TMEM132D: variants seen among roughly 807,000 people sequenced by gnomAD.
TMEM132D encodes the protein mature OL transmembrane protein.
Under a neutral mutation model 62.3 loss-of-function variants are expected in TMEM132D, and 21 were observed. The observed-to-expected ratio is 0.34, with a 90% CI of 0.24 to 0.49. The LOEUF (loss-of-function observed/expected upper bound fraction) is 0.49, where lower values mean the gene tolerates loss of function less well. Among genes scored for constraint, TMEM132D ranks in the 20% least tolerant of loss-of-function variants. TMEM132D has a pLI of 0.99. For synonymous variants in TMEM132D, 621 were observed against 575.6 expected (o/e 1.08, Z -1.13); for missense variants, 1,346 against 1,402.8 (o/e 0.96, Z 0.65).
intron 1 of TMEM132D, among the ~76,000 whole-genome samples, chr12:129,885,689 T>G (rs1874729946): frequency 6.6e-6 from 1 of 152,232 alleles, no homozygotes; most frequent in Non-Finnish European, 1.5e-5. Context: ...TATCTAATAT[T>G]TTTCATCCAG....
chr12:129,755,193 G>C (rs528435507), intron 1 of TMEM132D, among the ~76,000 whole-genome samples: 2 of 152,286 alleles, frequency 1.3e-5, no homozygotes, highest in South Asian at 2.1e-4. Flanking sequence ...ACATTAACTA[G>C]TGTTGCAGCT....
intron 8 of TMEM132D, among the ~76,000 whole-genome samples, chr12:129,075,826 C>T (rs1014493354): frequency 6.6e-6 from 1 of 152,222 alleles, no homozygotes; most frequent in Admixed American, 6.5e-5. Flanking sequence ...TTTGACCAGG[C>T]AGATCATTGG....
chr12:129,776,243 G>A (rs548395611), intron 1 of TMEM132D, among the ~76,000 whole-genome samples: 35 of 152,212 alleles, frequency 2.3e-4, no homozygotes, highest in Middle Eastern at 3.4e-3. Flanking sequence ...CCACACGGAC[G>A]TGAACCCCAA....
intron 5 of TMEM132D, among the ~76,000 whole-genome samples, chr12:129,160,449 C>T (rs1332984437): frequency 6.6e-6 from 1 of 152,184 alleles, no homozygotes; most frequent in East Asian, 1.9e-4. Context: ...GTAGGTGAAA[C>T]AACATCTCTT....
chr12:129,086,507 T>C (rs1375219109), intron 5 of TMEM132D, among the ~76,000 whole-genome samples: 2 of 152,116 alleles, frequency 1.3e-5, no homozygotes, highest in Non-Finnish European at 2.9e-5. Flanking sequence ...TGTTTGACTT[T>C]CTGGCTTTGA....
chr12:129,769,009 T>G, intron 1 of TMEM132D, among the ~76,000 whole-genome samples: 1 of 152,052 alleles, frequency 6.6e-6, no homozygotes, highest in East Asian at 1.9e-4. Context: ...TCAAGTACAG[T>G]AGGATTGGTG....
intron 4 of TMEM132D, among the ~76,000 whole-genome samples, chr12:129,290,524 A>G (rs1881423036): frequency 6.6e-6 from 1 of 152,248 alleles, no homozygotes; most frequent in Non-Finnish European, 1.5e-5. Flanking sequence ...TTGCAAAACA[A>G]CAGCTACAGA....
At chr12:129,442,587 T>G (rs1458980216) in intron 3 of TMEM132D, among the ~76,000 whole-genome samples, 1 of 150,628 alleles carries the variant, frequency 6.6e-6, no homozygotes, top group Non-Finnish European at 1.5e-5. Flanking sequence ...CCTTCCGTCT[T>G]GTCACAGAGT....
chr12:129,870,707 T>C (rs1290985528), intron 1 of TMEM132D, among the ~76,000 whole-genome samples: 8 of 152,048 alleles, frequency 5.3e-5, no homozygotes, highest in East Asian at 1.9e-4. Context: ...TAAAGAGAGG[T>C]TGTAGGAACC....
chr12:129,431,356 C>T (rs1872649316), intron 3 of TMEM132D, among the ~76,000 whole-genome samples: 1 of 152,218 alleles, frequency 6.6e-6, no homozygotes, highest in African/African-American at 2.4e-5. Flanking sequence ...AGCCAAATTT[C>T]TTCCCTGTTT....
intron 2 of TMEM132D, among the ~76,000 whole-genome samples, chr12:129,627,227 T>G (rs925032011): frequency 6.6e-6 from 1 of 152,214 alleles, no homozygotes; most frequent in African/African-American, 2.4e-5. Flanking sequence ...ACAGACCGCC[T>G]ATATGATGGT....
chr12:129,466,270 A>C (rs1246305871), intron 3 of TMEM132D, among the ~76,000 whole-genome samples: 1 of 138,612 alleles, frequency 7.2e-6, no homozygotes, highest in African/African-American at 2.7e-5. Context: ...AGTGGCTGGT[A>C]GATTTTTCCT....
chr12:129,741,998 C>T (rs142437005), intron 1 of TMEM132D, among the ~76,000 whole-genome samples: 2 of 152,280 alleles, frequency 1.3e-5, no homozygotes, highest in Admixed American at 1.3e-4. Context: ...ACAACATCTA[C>T]ATCTTTAGCA....
intron 1 of TMEM132D, among the ~76,000 whole-genome samples, chr12:129,710,878 G>A (rs371243065): frequency 4.8e-5 from 7 of 147,160 alleles, no homozygotes; most frequent in East Asian, 3.9e-4. Context: ...ATACCCACGC[G>A]CATTCCCCGG....
chr12:129,107,073 TG>T (rs1259851561), intron 5 of TMEM132D, among the ~76,000 whole-genome samples: 1 of 152,200 alleles, frequency 6.6e-6, no homozygotes, highest in Non-Finnish European at 1.5e-5. Context: ...GAACAGTGCT[TG>T]GCATATAGTA....
intron 3 of TMEM132D, among the ~76,000 whole-genome samples, chr12:129,383,154 G>A (rs757826240): frequency 6.6e-6 from 1 of 152,262 alleles, no homozygotes; most frequent in Non-Finnish European, 1.5e-5. Context: ...GCCCACTGTC[G>A]TGTGCACCAT....
intron 1 of TMEM132D, among the ~76,000 whole-genome samples, chr12:129,715,850 G>T (rs564596297): frequency 2.0e-5 from 3 of 152,186 alleles, no homozygotes; most frequent in South Asian, 4.1e-4. Context: ...AGGCTATGAC[G>T]CTAGGAGTCT....
intron 3 of TMEM132D, among the ~76,000 whole-genome samples, chr12:129,346,653 C>G (rs1479229551): frequency 1.3e-5 from 2 of 152,158 alleles, no homozygotes; most frequent in Non-Finnish European, 2.9e-5. Context: ...CGGCACAAGA[C>G]AAGGATGTCC....
chr12:129,147,305 C>CATGTGCATATGTATATATATAT (rs1876939883), intron 5 of TMEM132D, among the ~76,000 whole-genome samples: 3 of 92,502 alleles, frequency 3.2e-5, no homozygotes, highest in African/African-American at 6.3e-5. Context: ...TATATATATA[C>CATGTGCATATGTATATATATAT]ATATGTGTAT....
Sources: gnomAD v4.1 joint callset for allele counts (sites outside exome capture counted in the v4.1 genomes callset) on GRCh38, gnomAD v4.1.1 for gene constraint, MANE v1.5 for transcripts, NCBI Gene and HGNC (gene_info 2026-07-23, HGNC 2026-07-21) for gene names.